Variants in NCAM2 observed in about 807,000 individuals in gnomAD.
NCAM2 encodes N-CAM-2.
NCAM2 carries 30 observed loss-of-function variants against 98.1 expected under a neutral mutation model. The observed-to-expected ratio is 0.31, with a 90% CI of 0.23 to 0.41. The LOEUF (loss-of-function observed/expected upper bound fraction) is 0.41, where lower values mean the gene tolerates loss of function less well. Ranked by LOEUF, NCAM2 falls within the 10% of genes least tolerant of loss-of-function variation. The pLI is 1.00. For missense variants in NCAM2, 867 were observed against 1,005.8 expected, an observed-to-expected ratio of 0.86 and a Z score of 1.87; for synonymous variants, 368 against 342.4, an observed-to-expected ratio of 1.07 and a Z score of -0.83.
intron 1 of NCAM2, among the ~76,000 whole-genome samples, chr21:21,146,846 CAAAAT>C (rs2067288315): frequency 6.6e-6 from 1 of 152,040 alleles, no homozygotes; most frequent in African/African-American, 2.4e-5. Flanking sequence ...ACAGGTTAAA[CAAAAT>C]AAAGGCAATG....
intron 1 of NCAM2, among the ~76,000 whole-genome samples, chr21:21,136,371 C>A (rs2067049778): frequency 6.6e-6 from 1 of 152,128 alleles, no homozygotes; most frequent in African/African-American, 2.4e-5. Flanking sequence ...CTATAGAACA[C>A]CACAAATGAT....
intron 1 of NCAM2, among the ~76,000 whole-genome samples, chr21:21,017,834 T>G (rs900646063): frequency 6.6e-6 from 1 of 152,162 alleles, no homozygotes; most frequent in Non-Finnish European, 1.5e-5. Flanking sequence ...ATGTAACATA[T>G]ATATTTGTTT....
intron 1 of NCAM2, among the ~76,000 whole-genome samples, chr21:21,101,189 A>G (rs2066233449): frequency 6.6e-6 from 1 of 152,058 alleles, no homozygotes; most frequent in South Asian, 2.1e-4. Flanking sequence ...AATAAATTGT[A>G]AATGATATCT....
chr21:21,300,254 T>G (rs918777393), intron 5 of NCAM2, among the ~76,000 whole-genome samples: 3 of 151,906 alleles, frequency 2.0e-5, no homozygotes, highest in Admixed American at 2.0e-4. Flanking sequence ...GGGCCCTATT[T>G]GCAAACAAGA....
At chr21:21,181,317 C>A (rs1183147744) in intron 1 of NCAM2, among the ~76,000 whole-genome samples, 4 of 152,022 alleles carry the variant, frequency 2.6e-5, no homozygotes, top group Non-Finnish European at 4.4e-5. Context: ...TTAAATCTGT[C>A]TCTTTACCGA....
chr21:21,474,669 G>A (rs1016875248), intron 14 of NCAM2, among the ~76,000 whole-genome samples: 1 of 152,008 alleles, frequency 6.6e-6, no homozygotes, highest in African/African-American at 2.4e-5. Flanking sequence ...CTGAATAGCT[G>A]AGGTAATGCC....
intron 17 of NCAM2, among the ~76,000 whole-genome samples, chr21:21,536,091 T>C (rs891527505): frequency 2.0e-5 from 3 of 152,148 alleles, no homozygotes; most frequent in Non-Finnish European, 4.4e-5. Context: ...TCAGTACTTG[T>C]GAATGCTAAA....
chr21:21,430,778 T>C (rs2077318078), intron 11 of NCAM2, among the ~76,000 whole-genome samples: 1 of 152,088 alleles, frequency 6.6e-6, no homozygotes, highest in African/African-American at 2.4e-5. Context: ...CCAGGCACTG[T>C]GGCTCACTCC....
At chr21:21,022,689 A>T (rs971386386) in intron 1 of NCAM2, among the ~76,000 whole-genome samples, 1 of 152,184 alleles carries the variant, frequency 6.6e-6, no homozygotes, top group Non-Finnish European at 1.5e-5. Flanking sequence ...TCATTTCAAT[A>T]GTCCATTTGT....
chr21:21,177,643 T>A (rs1025903630), intron 1 of NCAM2, among the ~76,000 whole-genome samples: 2 of 152,082 alleles, frequency 1.3e-5, no homozygotes, highest in African/African-American at 4.8e-5. Flanking sequence ...CCTTATTTTA[T>A]AAAAAGTAAT....
At chr21:21,507,610 G>A (rs1028539736) in intron 15 of NCAM2, among the ~76,000 whole-genome samples, 5 of 151,828 alleles carry the variant, frequency 3.3e-5, no homozygotes, top group South Asian at 2.1e-4. Context: ...TGGCTAACAC[G>A]GTGAAACCCC....
chr21:21,230,422 G>A (rs923228104), intron 1 of NCAM2, among the ~76,000 whole-genome samples: 5 of 151,202 alleles, frequency 3.3e-5, no homozygotes, highest in African/African-American at 9.7e-5. Context: ...TATTTATTTT[G>A]TTTCCATTAT....
chr21:21,386,605 C>A (rs1355978881), intron 9 of NCAM2, among the ~76,000 whole-genome samples: 1 of 152,032 alleles, frequency 6.6e-6, no homozygotes, highest in Non-Finnish European at 1.5e-5. Context: ...ATTTTTAACC[C>A]AAACTTTATG....
intron 1 of NCAM2, among the ~76,000 whole-genome samples, chr21:21,238,847 C>A (rs1601732113): frequency 6.6e-6 from 1 of 152,232 alleles, no homozygotes; most frequent in South Asian, 2.1e-4. Flanking sequence ...AAAATGGCAG[C>A]TCCTCAAATA....
chr21:21,225,823 T>C (rs958371805), intron 1 of NCAM2, among the ~76,000 whole-genome samples: 3 of 152,006 alleles, frequency 2.0e-5, no homozygotes, highest in African/African-American at 2.4e-5. Context: ...TACTTATCTA[T>C]TGTCATACGT....
intron 1 of NCAM2, among the ~76,000 whole-genome samples, chr21:21,001,623 C>A (rs1402776022): frequency 6.6e-6 from 1 of 152,164 alleles, no homozygotes; most frequent in African/African-American, 2.4e-5. Flanking sequence ...AAACCACTTC[C>A]TTCTTCCTTT....
chr21:21,236,229 A>G (rs568307871), intron 1 of NCAM2, among the ~76,000 whole-genome samples: 2 of 152,224 alleles, frequency 1.3e-5, no homozygotes, highest in Admixed American at 1.3e-4. Flanking sequence ...GTCTTTTGAC[A>G]TTGATCATAA....
intron 1 of NCAM2, among the ~76,000 whole-genome samples, chr21:21,186,474 T>G (rs1343454096): frequency 6.6e-6 from 1 of 152,266 alleles, no homozygotes; most frequent in Non-Finnish European, 1.5e-5. Context: ...GAAAAATGGA[T>G]AAGACCATGC....
At chr21:21,220,146 G>A (rs2070083866) in intron 1 of NCAM2, among the ~76,000 whole-genome samples, 1 of 152,038 alleles carries the variant, frequency 6.6e-6, no homozygotes. Flanking sequence ...TTAATAAATT[G>A]TTGTAGCCTA....
Sources: allele counts gnomAD v4.1 joint callset (sites outside exome capture counted in the v4.1 genomes callset), GRCh38; gene constraint gnomAD v4.1.1; transcripts MANE v1.5; gene names NCBI Gene and HGNC (gene_info 2026-07-23, HGNC 2026-07-21).